Variants in NFIX observed in about 807,000 individuals in gnomAD.
The protein encoded by NFIX is nuclear factor I X, also known as nuclear factor 1 X-type.
In NFIX, 2 loss-of-function variants were observed where a neutral mutation model predicts 53.3. That is an observed-to-expected ratio of 0.04 (90% CI 0.02 to 0.12). NFIX has a LOEUF of 0.12. NFIX is among the 10% of genes least tolerant of loss of function. NFIX has a pLI of 1.00. For synonymous variants in NFIX, 244 were observed against 289.0 expected (o/e 0.84, Z 1.58); for missense variants, 310 against 674.5 (o/e 0.46, Z 5.99).
rs911378646 is a variant in NFIX, at chr19:12,998,921, C to T, written c.27+3057C>T. ...GACTTGTGTTCACAACCACCCCCAG[C>T]GCACACATAAACACTCACAAACCCC... On this transcript the variant is annotated intron_variant, in intron 1 of 10. Transcript: ENST00000592199. The surrounding 1 kb of genome is among the most constrained non-coding windows in gnomAD (Gnocchi z 4.4). Among the ~76,000 whole-genome samples the T allele has an allele frequency of 2.6e-5, 4 of 152,104 alleles. No individual in the cohort carries two copies. Among genetic ancestry groups the T allele is most frequent in the East Asian group, 1.9e-4 (1 of 5,188 alleles).
At chr19:13,083,733 A>G (rs1379703320) in intron 8 of NFIX, among the ~76,000 whole-genome samples, 1 of 152,092 alleles carries the variant, frequency 6.6e-6, no homozygotes, top group Non-Finnish European at 1.5e-5. Flanking sequence ...TGTTGTACTG[A>G]AGAGAGGGAG....
rs1245846646 is a variant in NFIX at position 13,021,285 on chromosome 19, C to T, written c.28-3736C>T. Among the ~76,000 whole-genome samples the T allele has an allele frequency of 6.6e-6, 1 of 152,150 alleles. No homozygotes were observed. Among genetic ancestry groups the T allele is most frequent in the African/African-American group, 2.4e-5 (1 of 41,434 alleles). ...TCTGATACCACCTGCCTTCTGTACT[C>T]TCACCTCTAACCGTTTCTTTCAGGG... On this transcript the variant is annotated intron_variant, in intron 1 of 10. Coordinates refer to ENST00000592199, the MANE Select transcript of NFIX (RefSeq NM_001365902.3). This position sits in a 1 kb window ranked among gnomAD's most constrained non-coding sequence, Gnocchi z 4.2.
intron 2 of NFIX, among the ~76,000 whole-genome samples, chr19:13,061,082 A>ACCCCCC: frequency 7.3e-6 from 1 of 136,878 alleles, no homozygotes; most frequent in Non-Finnish European, 1.6e-5. Flanking sequence ...GTGGCCTTAG[A>ACCCCCC]CCCCCCCCTC....
intron 1 of NFIX, chr19:13,023,956 C>T: frequency 7.7e-7 from 1 of 1,301,372 alleles, no homozygotes; most frequent in Non-Finnish European, 1.0e-6. Context: ...CTCCCCCCAC[C>T]CGCCCCCAAC....
At position 13,006,371 on chromosome 19, in the gene NFIX, T is replaced by G. The variant is rs1159771570; in HGVS notation, c.27+10507T>G. Among the ~76,000 whole-genome samples, 2 of 152,228 alleles carry G rather than the reference T, an allele frequency of 1.3e-5. No homozygotes were observed. ...TGCCCATCATTTGCCCAGACCATGT[T>G]GCCTGTCATTTCTTCAATCTGAGCT... On this transcript the variant is annotated intron_variant, in intron 1 of 10. Coordinates refer to ENST00000592199, the MANE Select transcript of NFIX (RefSeq NM_001365902.3). This position sits in a 1 kb window ranked among gnomAD's most constrained non-coding sequence, Gnocchi z 5.6.
At position 13,037,162 on chromosome 19, in the gene NFIX, T is replaced by C. The variant is rs964291318; in HGVS notation, c.559+11610T>C. On this transcript the variant is annotated intron_variant, in intron 2 of 10. Transcript: ENST00000592199. The surrounding 1 kb of genome is among the most constrained non-coding windows in gnomAD (Gnocchi z 4.2). ...TTAGGGGGTCTCAAGTCCCCTTTCC[T>C]GTGTGTAGCAGATTCTGCCAGCCTT... Among the ~76,000 whole-genome samples, 12 of 152,150 alleles carry C rather than the reference T, an allele frequency of 7.9e-5. No homozygotes were observed. Among genetic ancestry groups the C allele is most frequent in the Non-Finnish European group, 8.8e-5 (6 of 68,020 alleles).
At chr19:13,055,689 A>G (rs1233512487) in intron 2 of NFIX, among the ~76,000 whole-genome samples, 5 of 152,106 alleles carry the variant, frequency 3.3e-5, no homozygotes, top group African/African-American at 1.2e-4. Flanking sequence ...CTGAGGAAGA[A>G]GGGGGCGGGG....
In NFIX at chr19:13,011,375, C is replaced by T. The variant is rs141290116; in HGVS notation, c.28-13646C>T. On this transcript the variant is annotated intron_variant, in intron 1 of 10. Coordinates refer to ENST00000592199, the MANE Select transcript of NFIX (RefSeq NM_001365902.3). The surrounding 1 kb of genome is among the most constrained non-coding windows in gnomAD (Gnocchi z 6.5). ...CATTTAATGCCCCCCACCACCCCAC[C>T]TCGGGAGAAATTTCCACTTGCCCCC... is the stretch of plus-strand genomic sequence containing the variant. Among the ~76,000 whole-genome samples the T allele has an allele frequency of 4.5e-3, 689 of 152,346 alleles. 6 individuals are homozygous for T. The highest frequency in any genetic ancestry group is 0.015 in the African/African-American group (637 of 41,578).
At position 13,013,036 on chromosome 19, in the gene NFIX, T is replaced by C. The variant is rs1254071360; in HGVS notation, c.28-11985T>C. On this transcript the variant is annotated intron_variant, in intron 1 of 10. Coordinates refer to ENST00000592199, the MANE Select transcript of NFIX (RefSeq NM_001365902.3). The surrounding 1 kb of genome is among the most constrained non-coding windows in gnomAD (Gnocchi z 5.9). ...GCTTTCCCTTTCTCTCTCTTCTGCC[T>C]TCGGGCCGCGGGGAGTTGCGCAGAC... Among the ~76,000 whole-genome samples, 1 of 151,270 alleles carries C rather than the reference T, an allele frequency of 6.6e-6. No individual in the cohort carries two copies. The highest frequency in any genetic ancestry group is 2.0e-4 in the East Asian group (1 of 5,108).
At chr19:13,026,744 C>CTCTCTG (rs545440885) in intron 2 of NFIX, among the ~76,000 whole-genome samples, 31 of 149,902 alleles carry the variant, frequency 2.1e-4, no homozygotes, top group South Asian at 4.2e-4. Context: ...CTCTCTCTCT[C>CTCTCTG]TGTGTGTGTG....
In NFIX at chr19:13,088,129, A is replaced by T. The variant is rs1393769453; in HGVS notation, c.1395A>T (p.Pro465=). ...TAPDGAALTP[P]SPSFATTGAS... is the part of the protein sequence containing the mutation. ...CAGACGGCGCCGCCTTGACTCCTCCATCACCTTGTAAGTGGACGATGAAAC... is the reference window on the plus strand; with the variant it reads ...CAGACGGCGCCGCCTTGACTCCTCCTTCACCTTGTAAGTGGACGATGAAAC... The change falls in exon 9 of 11, where the codon CCA becomes CCT. Residue 465 remains proline (P), a synonymous_variant. Coordinates refer to ENST00000592199, the MANE Select transcript of NFIX (RefSeq NM_001365902.3). This position sits in a 1 kb window ranked among gnomAD's most constrained non-coding sequence, Gnocchi z 5.9. The T allele has an allele frequency of 6.5e-7, 1 of 1,536,454 alleles. No homozygotes were observed. Among genetic ancestry groups the T allele is most frequent in the East Asian group, 2.4e-5 (1 of 40,928 alleles).
chr19:13,069,797 T>C (rs2016661575), intron 2 of NFIX: 1 of 152,322 alleles, frequency 6.6e-6, no homozygotes, highest in African/African-American at 2.4e-5. Flanking sequence ...GAGTGTTTTT[T>C]CTCACTAACC....
chr19:13,042,963 C>T (rs994854526), intron 2 of NFIX, among the ~76,000 whole-genome samples: 5 of 152,208 alleles, frequency 3.3e-5, no homozygotes, highest in African/African-American at 1.2e-4. Context: ...GGATCCATCT[C>T]ACTCTGTCCC....
chr19:13,057,510 G>A (rs2015784700), intron 2 of NFIX, among the ~76,000 whole-genome samples: 1 of 152,212 alleles, frequency 6.6e-6, no homozygotes, highest in African/African-American at 2.4e-5. Context: ...GGCTCCTGAT[G>A]CCACACCCCC....
Position 13,049,114 on chromosome 19 carries a change from G to GT in NFIX, c.559+23563dup, listed in dbSNP as rs2015170391. ...ACAAAACAAAAATTAGCCATGCACG[G>GT]TGGTGGCGTGCATTTGTAATCCTAG... On this transcript the variant is annotated intron_variant, in intron 2 of 10. Transcript: ENST00000592199. This position sits in a 1 kb window ranked among gnomAD's most constrained non-coding sequence, Gnocchi z 4.5. 6.6e-6 allele frequency among the ~76,000 whole-genome samples: 1 copy of GT among 151,426 alleles called. No individual in the cohort carries two copies. Among genetic ancestry groups the GT allele is most frequent in the Non-Finnish European group, 1.5e-5 (1 of 67,818 alleles).
rs910030436 is a variant in NFIX, at chr19:13,068,221, G to A, written c.560-4826G>A. On this transcript the variant is annotated intron_variant, in intron 2 of 10. Transcript: ENST00000592199. The surrounding 1 kb of genome is among the most constrained non-coding windows in gnomAD (Gnocchi z 4.2). ...TCCCCTCCAGAGCTCTACTGAAGAG[G>A]CAGTGTCCTCTTGGAAACACGCACA... is the stretch of plus-strand genomic sequence containing the variant. Among the ~76,000 whole-genome samples, 2 of 152,304 alleles carry A rather than the reference G, an allele frequency of 1.3e-5. No homozygotes were observed. Among genetic ancestry groups the A allele is most frequent in the East Asian group, 1.9e-4 (1 of 5,186 alleles).
chr19:13,085,759 C>T (rs1263261856), intron 8 of NFIX, among the ~76,000 whole-genome samples: 1 of 152,074 alleles, frequency 6.6e-6, no homozygotes, highest in Non-Finnish European at 1.5e-5. Flanking sequence ...TGCTGGTCAT[C>T]GTGGTAAAAA....
intron 8 of NFIX, among the ~76,000 whole-genome samples, chr19:13,085,854 A>G (rs1468949377): frequency 1.3e-5 from 2 of 152,222 alleles, no homozygotes; most frequent in African/African-American, 4.8e-5. Context: ...TGCAGCAGGA[A>G]GGACAAGTCG....
At chr19:13,019,751 A>G (rs2012867602) in intron 1 of NFIX, among the ~76,000 whole-genome samples, 1 of 145,004 alleles carries the variant, frequency 6.9e-6, no homozygotes, top group African/African-American at 2.6e-5. Flanking sequence ...TTTTTTTACC[A>G]AATAGTACTC....
Sources: allele counts gnomAD v4.1 joint callset (sites outside exome capture counted in the v4.1 genomes callset), GRCh38; gene constraint gnomAD v4.1.1; non-coding constraint Gnocchi (gnomAD v3.1); transcripts MANE v1.5; gene names NCBI Gene and HGNC (gene_info 2026-07-23, HGNC 2026-07-21).